TMEM245: variants seen among roughly 807,000 people sequenced by gnomAD.
TMEM245 encodes protein CG-2.
In TMEM245, 69 loss-of-function variants were observed where a neutral mutation model predicts 101.2. The observed-to-expected ratio is 0.68, with a 90% CI of 0.56 to 0.83. The LOEUF (loss-of-function observed/expected upper bound fraction) is 0.83. Among genes scored for constraint, TMEM245 ranks in the 40% least tolerant of loss-of-function variants. The pLI, the probability that TMEM245 is intolerant of heterozygous loss-of-function variation, is 0.00. For missense variants in TMEM245, 1,075 were observed against 1,092.8 expected (o/e 0.98, Z 0.23); for synonymous variants, 537 against 449.8 (o/e 1.19, Z -2.45).
chr9:109,086,147 T>C, intron 6 of TMEM245, 127 bp from the exon 7 acceptor site: 1 of 942,628 alleles, frequency 1.1e-6, no homozygotes, highest in Non-Finnish European at 1.6e-6. Flanking sequence ...AAGGAAAAAC[T>C]AGGGACGGAA....
chr9:109,094,769 A>G (rs190084850), intron 3 of TMEM245, among the ~76,000 whole-genome samples: 116 of 152,348 alleles, frequency 7.6e-4, no homozygotes, highest in African/African-American at 2.7e-3. Context: ...TAAGAACACT[A>G]GCAATTCCTA....
At chr9:109,087,019 G>A (rs1829859592) in intron 6 of TMEM245, among the ~76,000 whole-genome samples, 154 bp downstream of exon 6, 1 of 152,054 alleles carries the variant, frequency 6.6e-6, no homozygotes, top group South Asian at 2.1e-4. Flanking sequence ...TTATCCTTGT[G>A]TAAACCATAA....
chr9:109,119,364 G>T lies in TMEM245; in HGVS notation c.550C>A (p.Arg184Ser). 3.3e-6 allele frequency: 5 copies of T among 1,531,602 alleles called. No individual in the cohort carries two copies. Among genetic ancestry groups the T allele is most frequent in the South Asian group, 1.2e-5 (1 of 83,650 alleles). 94.9% of individuals were successfully genotyped at this position (1,531,602 alleles called of 1,614,324 possible). A position where few individuals can be genotyped will look rare whatever the true frequency, so the allele number is the denominator to read the frequency against. Residue 184 changes from arginine to serine, a missense_variant, in exon 1 of 18, where the codon CGC (arginine) becomes AGC (serine). Arg to Ser is a moderately radical substitution (Grantham distance 110, BLOSUM62 -1). Transcript: ENST00000374586. ...LLVHAATLIC[R>S]GLDYFSSLWI... ...AGGCTGCTGAAGTAGTCCAGCCCGC[G>T]GCAGATGAGCGTGGCAGCGTGCACC...
chr9:109,069,178 T>C (rs970509264), intron 9 of TMEM245, among the ~76,000 whole-genome samples: 4 of 152,322 alleles, frequency 2.6e-5, no homozygotes, highest in African/African-American at 7.2e-5. Context: ...TTCTACTACC[T>C]GATCTGGGGC....
At position 109,112,170 on chromosome 9, in the gene TMEM245, G is replaced by A. The variant is rs143366587; in HGVS notation, c.580-3600C>T. On this transcript the variant is annotated intron_variant, in intron 1 of 17. Transcript: ENST00000374586. Reference sequence around the variant, plus strand: ...TATTCTAATACAAATTCAGAGCTAAGAAAATCTGTTGAAAACATTTTCTAA... The same window carrying A: ...TATTCTAATACAAATTCAGAGCTAAAAAAATCTGTTGAAAACATTTTCTAA... 2.4e-3 allele frequency among the ~76,000 whole-genome samples: 362 copies of A among 151,982 alleles called. 4 individuals carry two copies. Among genetic ancestry groups the A allele is most frequent in the African/African-American group, 8.3e-3 (344 of 41,458 alleles).
At chr9:109,083,586 C>T (rs1829732852) in intron 7 of TMEM245, among the ~76,000 whole-genome samples, 1 of 152,052 alleles carries the variant, frequency 6.6e-6, no homozygotes, top group African/African-American at 2.4e-5. Flanking sequence ...TTTATAGTTA[C>T]ACCAAAAGAT....
intron 7 of TMEM245, 58 bp downstream of exon 7, chr9:109,085,939 C>T (rs1829819978): frequency 8.9e-6 from 14 of 1,567,604 alleles, no homozygotes; most frequent in Admixed American, 1.7e-5. Context: ...GTGAAAAAGG[C>T]GATACAGGGG....
chr9:109,037,043 G>A (rs992179376), intron 15 of TMEM245, among the ~76,000 whole-genome samples: 15 of 152,144 alleles, frequency 9.9e-5, no homozygotes, highest in Admixed American at 7.2e-4. Context: ...AGAAGAACGT[G>A]AATGAACTTG....
intron 3 of TMEM245, 56 bp from the exon 4 acceptor site, chr9:109,093,647 A>C (rs952271473): frequency 7.3e-7 from 1 of 1,374,858 alleles, no homozygotes; most frequent in African/African-American, 1.4e-5. Flanking sequence ...AATGGCTGCA[A>C]ATTTAAACAC....
intron 1 of TMEM245, among the ~76,000 whole-genome samples, chr9:109,112,400 G>T (rs1830589451): frequency 1.3e-5 from 2 of 151,994 alleles, no homozygotes; most frequent in Admixed American, 1.3e-4. Flanking sequence ...AATTAACCAG[G>T]TATGGTAGCA....
intron 9 of TMEM245, among the ~76,000 whole-genome samples, chr9:109,065,233 T>C (rs1226495744): frequency 6.6e-6 from 1 of 152,218 alleles, no homozygotes; most frequent in Non-Finnish European, 1.5e-5. Flanking sequence ...ATTCAACATC[T>C]GGGACAGGGT....
At chr9:109,040,980 G>C (rs989183083) in intron 14 of TMEM245, among the ~76,000 whole-genome samples, 2 of 152,056 alleles carry the variant, frequency 1.3e-5, no homozygotes, top group East Asian at 3.9e-4. Context: ...TGGGTCATAC[G>C]GTATCTATTT....
Position 109,018,258 on chromosome 9 carries a change from C to T in TMEM245, c.*2202G>A, listed in dbSNP as rs1355687296. ...TCAACCAGTATATAATTAACAAAAA[C>T]AAATGATTTTTTAGCCTTTTAATGC... On this transcript the variant is annotated 3_prime_UTR_variant, in exon 18 of 18. Coordinates refer to ENST00000374586, the MANE Select transcript of TMEM245 (RefSeq NM_032012.4). 2.6e-5 allele frequency: 4 copies of T among 152,156 alleles called. No homozygotes were observed. The highest frequency in any genetic ancestry group is 5.9e-5 in the Non-Finnish European group (4 of 68,020). 9.4% of individuals were successfully genotyped at this position (152,156 alleles called of 1,614,324 possible). A position where few individuals can be genotyped will look rare whatever the true frequency, so the allele number is the denominator to read the frequency against.
intron 14 of TMEM245, among the ~76,000 whole-genome samples, chr9:109,041,080 T>TCA (rs1828286876): frequency 6.6e-6 from 1 of 152,156 alleles, no homozygotes; most frequent in South Asian, 2.1e-4. Flanking sequence ...GCCTCCTACC[T>TCA]CACCACATAT....
chr9:109,118,241 G>T (rs903889900), intron 1 of TMEM245, among the ~76,000 whole-genome samples: 2 of 152,180 alleles, frequency 1.3e-5, no homozygotes, highest in African/African-American at 4.8e-5. Context: ...AAGAGAAGAA[G>T]GGTGTTTTGG....
At chr9:109,033,930 T>C (rs577037405) in intron 16 of TMEM245, among the ~76,000 whole-genome samples, 1 of 152,320 alleles carries the variant, frequency 6.6e-6, no homozygotes, top group South Asian at 2.1e-4. Context: ...ACAGCAACAA[T>C]GAGAGCATCC....
At chr9:109,022,405 T>C (rs1191502196) in intron 17 of TMEM245, among the ~76,000 whole-genome samples, 4 of 152,210 alleles carry the variant, frequency 2.6e-5, no homozygotes, top group Admixed American at 2.6e-4. Context: ...TTAAAGACTT[T>C]TATGTTCTGA....
At chr9:109,092,628 T>C (rs1005202812) in intron 4 of TMEM245, among the ~76,000 whole-genome samples, 7 of 152,262 alleles carry the variant, frequency 4.6e-5, no homozygotes, top group African/African-American at 1.4e-4. Flanking sequence ...GTGTTCCTAC[T>C]ACACCAAATT....
intron 1 of TMEM245, among the ~76,000 whole-genome samples, chr9:109,109,712 A>G (rs774229180): frequency 6.6e-6 from 1 of 152,176 alleles, no homozygotes; most frequent in Admixed American, 6.5e-5. Context: ...GATTCAGAAC[A>G]GTGAAAAAAG....
Sources: gnomAD v4.1 joint callset for allele counts (sites outside exome capture counted in the v4.1 genomes callset) on GRCh38, gnomAD v4.1.1 for gene constraint, MANE v1.5 for transcripts, NCBI Gene and HGNC (gene_info 2026-07-23, HGNC 2026-07-21) for gene names.